B3GALT1: variants seen among roughly 807,000 people sequenced by gnomAD.
B3GALT1 encodes the protein UDP-Gal:betaGlcNAc beta 1,3-galactosyltransferase, polypeptide 1.
A neutral mutation model predicts 23.2 loss-of-function variants in B3GALT1; 10 were observed. That is an observed-to-expected ratio of 0.43 (90% CI 0.27 to 0.73). The LOEUF is 0.73. B3GALT1 is among the 30% of genes least tolerant of loss of function. The pLI is 0.21. For missense variants in B3GALT1, 299 were observed against 405.4 expected (o/e 0.74, Z 2.25); for synonymous variants, 156 against 141.5 (o/e 1.10, Z -0.73).
At chr2:167,381,659 G>A (rs1203098531) in intron 1 of B3GALT1, among the ~76,000 whole-genome samples, 1 of 152,182 alleles carries the variant, frequency 6.6e-6, no homozygotes, top group Non-Finnish European at 1.5e-5. Context: ...GAAAGCGTAT[G>A]TAAACTGCAC....
chr2:167,379,407 T>C (rs1459261473), intron 1 of B3GALT1, among the ~76,000 whole-genome samples: 1 of 152,104 alleles, frequency 6.6e-6, no homozygotes, highest in Non-Finnish European at 1.5e-5. Flanking sequence ...TATAATATTA[T>C]TATTATCATT....
At chr2:167,579,037 G>A (rs1427359113) in intron 2 of B3GALT1, among the ~76,000 whole-genome samples, 1 of 152,084 alleles carries the variant, frequency 6.6e-6, no homozygotes, top group Non-Finnish European at 1.5e-5. Context: ...GCACTAAATA[G>A]TCTTTGACAG....
intron 1 of B3GALT1, among the ~76,000 whole-genome samples, chr2:167,478,237 A>C (rs1274322388): frequency 6.6e-6 from 1 of 152,196 alleles, no homozygotes; most frequent in African/African-American, 2.4e-5. Flanking sequence ...TCATTCACTG[A>C]TCTTGTGTTC....
chr2:167,467,831 T>G (rs754006023), intron 1 of B3GALT1, among the ~76,000 whole-genome samples: 1 of 152,224 alleles, frequency 6.6e-6, no homozygotes, highest in African/African-American at 2.4e-5. Flanking sequence ...TTGATTCATT[T>G]ATTCATTCAT....
intron 3 of B3GALT1, among the ~76,000 whole-genome samples, chr2:167,753,324 C>G (rs1267801319): frequency 6.6e-6 from 1 of 152,204 alleles, no homozygotes; most frequent in Non-Finnish European, 1.5e-5. Flanking sequence ...CGTCAATCTG[C>G]GCTAGCCATG....
chr2:167,546,247 T>C (rs1179653894), intron 2 of B3GALT1, among the ~76,000 whole-genome samples: 1 of 152,210 alleles, frequency 6.6e-6, no homozygotes, highest in Non-Finnish European at 1.5e-5. Context: ...TTGCCCTCTC[T>C]CAGCTATGAT....
intron 3 of B3GALT1, among the ~76,000 whole-genome samples, chr2:167,782,438 C>T (rs1688262969): frequency 6.6e-6 from 1 of 152,196 alleles, no homozygotes; most frequent in African/African-American, 2.4e-5. Flanking sequence ...ATCTAATACA[C>T]CTCAAGAAAT....
chr2:167,337,584 T>TA (rs113747309), intron 1 of B3GALT1, among the ~76,000 whole-genome samples: 2,520 of 149,210 alleles, frequency 0.017, 57 homozygotes, highest in East Asian at 0.083. Context: ...TGCTAACAGT[T>TA]AAAAAAAAAA....
intron 1 of B3GALT1, among the ~76,000 whole-genome samples, chr2:167,373,963 A>G (rs943546637): frequency 3.3e-5 from 5 of 152,214 alleles, no homozygotes; most frequent in African/African-American, 1.2e-4. Context: ...TCACCCAGAT[A>G]CTGAACATAG....
chr2:167,837,516 GATTCATAA>G (rs1689507925), intron 4 of B3GALT1, among the ~76,000 whole-genome samples: 1 of 151,050 alleles, frequency 6.6e-6, no homozygotes, highest in Non-Finnish European at 1.5e-5. Flanking sequence ...GGAGCACCCA[GATTCATAA>G]AGCAAGTCCT....
intron 2 of B3GALT1, among the ~76,000 whole-genome samples, chr2:167,511,304 G>A (rs1389490764): frequency 1.3e-5 from 2 of 152,134 alleles, no homozygotes; most frequent in African/African-American, 2.4e-5. Flanking sequence ...GGAAATAATC[G>A]AATCATTGGG....
intron 3 of B3GALT1, among the ~76,000 whole-genome samples, chr2:167,660,334 G>A (rs184254512): frequency 3.4e-3 from 510 of 152,146 alleles, no homozygotes; most frequent in Non-Finnish European, 4.7e-3. Flanking sequence ...GTACTGTGGT[G>A]TCTATTTAGC....
chr2:167,560,497 A>G (rs1379683952), intron 2 of B3GALT1, among the ~76,000 whole-genome samples: 1 of 152,246 alleles, frequency 6.6e-6, no homozygotes, highest in Non-Finnish European at 1.5e-5. Context: ...TCCAATTAAA[A>G]GACACAGACT....
At chr2:167,782,776 T>G (rs1419228416) in intron 3 of B3GALT1, among the ~76,000 whole-genome samples, 2 of 152,224 alleles carry the variant, frequency 1.3e-5, no homozygotes, top group African/African-American at 4.8e-5. Flanking sequence ...AACCTTAAAT[T>G]GTTTACAAAA....
intron 2 of B3GALT1, among the ~76,000 whole-genome samples, chr2:167,491,767 A>AC (rs1474516843): frequency 1.5e-4 from 22 of 151,676 alleles, no homozygotes; most frequent in Non-Finnish European, 2.5e-4. Flanking sequence ...GTGAGCCAAG[A>AC]TCACACCACT....
Position 167,369,061 on chromosome 2 carries a change from TTGTGTGTGTGTGTGTG to T in B3GALT1, c.-511+75759_-511+75774del, listed in dbSNP as rs60938716. Among the ~76,000 whole-genome samples the T allele has an allele frequency of 3.6e-3, 526 of 147,576 alleles. 4 individuals carry two copies. The highest frequency in any genetic ancestry group is 3.8e-3 in the Non-Finnish European group (253 of 67,174). On this transcript the variant is annotated intron_variant, in intron 1 of 4. Coordinates refer to ENST00000392690, the MANE Select transcript of B3GALT1 (RefSeq NM_020981.4). ...TGTATTGGGAAGATAAAACTCTTAT[TTGTGTGTGTGTGTGTG>T]TGTGTGTGTGTGTGTGTGTGTGTGT...
At chr2:167,669,816 C>A (rs1686290507) in intron 3 of B3GALT1, among the ~76,000 whole-genome samples, 1 of 152,046 alleles carries the variant, frequency 6.6e-6, no homozygotes, top group Non-Finnish European at 1.5e-5. Context: ...TGCCTGGCTT[C>A]CCAAGCCATG....
intron 2 of B3GALT1, among the ~76,000 whole-genome samples, chr2:167,629,588 C>T (rs73015424): frequency 0.016 from 2,504 of 151,818 alleles, 87 homozygotes; most frequent in African/African-American, 0.056. Flanking sequence ...CTCTGAACCT[C>T]TGAACCATTG....
At position 167,869,998 on chromosome 2, in the gene B3GALT1, G is replaced by A; in HGVS notation, c.959G>A (p.Ser320Asn). 1.2e-6 allele frequency: 2 copies of A among 1,603,122 alleles called. No homozygotes were observed. The highest frequency in any genetic ancestry group is 1.7e-6 in the Non-Finnish European group (2 of 1,171,848). ...EMHRIWNDMS[S>N]KKHLRC ...CACAGAATCTGGAATGACATGTCAA[G>A]CAAGAAACATCTCAGATGTTAGGAT... Residue 320 changes from serine to asparagine, a missense_variant, in exon 5 of 5, where the codon AGC (serine) becomes AAC (asparagine). By Grantham distance (46) the Ser-to-Asn change is conservative. Transcript: ENST00000392690. This position sits in a 1 kb window ranked among gnomAD's most constrained non-coding sequence, Gnocchi z 6.4.
Sources: allele counts gnomAD v4.1 joint callset (sites outside exome capture counted in the v4.1 genomes callset), GRCh38; gene constraint gnomAD v4.1.1; non-coding constraint Gnocchi (gnomAD v3.1); transcripts MANE v1.5; gene names NCBI Gene and HGNC (gene_info 2026-07-23, HGNC 2026-07-21).